WWOX: variants seen among roughly 807,000 people sequenced by gnomAD.
WWOX encodes WW domain-containing oxidoreductase.
In WWOX, 69 loss-of-function variants were observed where a neutral mutation model predicts 46.2. The ratio of observed to expected loss-of-function variants is 1.49; its 90% confidence interval spans 1.23 to 1.82. The LOEUF (loss-of-function observed/expected upper bound fraction) is 1.82, where lower values mean the gene tolerates loss of function less well. Ranked by LOEUF, WWOX falls within the 40% of genes most tolerant of loss-of-function variation. The pLI is 0.00. For synonymous variants in WWOX, 359 were observed against 202.6 expected (o/e 1.77, Z -6.56); for missense variants, 919 against 542.6 (o/e 1.69, Z -6.89).
chr16:78,881,822 C>T (rs899823983), intron 8 of WWOX, among the ~76,000 whole-genome samples: 4 of 152,124 alleles, frequency 2.6e-5, no homozygotes, highest in Admixed American at 2.0e-4. Flanking sequence ...ATTTTCTTCT[C>T]GAATTAGAAG....
chr16:78,777,780 C>T (rs1567553128), intron 8 of WWOX, among the ~76,000 whole-genome samples: 6 of 152,254 alleles, frequency 3.9e-5, no homozygotes, highest in Admixed American at 3.9e-4. Context: ...GGCCTGGTGG[C>T]TCACGCCTGT....
At chr16:78,988,019 G>A (rs533555799) in intron 8 of WWOX, among the ~76,000 whole-genome samples, 1 of 152,132 alleles carries the variant, frequency 6.6e-6, no homozygotes, top group South Asian at 2.1e-4. Flanking sequence ...ATAAAGGGGG[G>A]GTGGTCAAGG....
chr16:78,956,296 C>A (rs973155313), intron 8 of WWOX, among the ~76,000 whole-genome samples: 1 of 152,168 alleles, frequency 6.6e-6, no homozygotes, highest in African/African-American at 2.4e-5. Context: ...TAGGCACATG[C>A]CACCATACCC....
intron 8 of WWOX, among the ~76,000 whole-genome samples, chr16:78,847,680 T>G (rs770362287): frequency 6.6e-6 from 1 of 152,012 alleles, no homozygotes; most frequent in Non-Finnish European, 1.5e-5. Flanking sequence ...GTTATTTAAC[T>G]CTCAGTTTCT....
intron 8 of WWOX, among the ~76,000 whole-genome samples, chr16:78,452,628 A>G (rs1274068346): frequency 6.7e-6 from 1 of 148,762 alleles, no homozygotes; most frequent in Non-Finnish European, 1.5e-5. Context: ...GGCATGCACT[A>G]CCACACCTGG....
chr16:78,678,867 C>T (rs954020439), intron 8 of WWOX, among the ~76,000 whole-genome samples: 19 of 152,140 alleles, frequency 1.2e-4, no homozygotes, highest in African/African-American at 4.6e-4. Context: ...CCAGTTTACT[C>T]TGGAGACGAC....
chr16:78,379,652 C>G (rs191530801), intron 5 of WWOX, among the ~76,000 whole-genome samples: 8 of 152,290 alleles, frequency 5.3e-5, no homozygotes, highest in Non-Finnish European at 8.8e-5. Flanking sequence ...CTCCGTAAGA[C>G]CCAACATGTG....
At chr16:78,566,257 G>A (rs1288886608) in intron 8 of WWOX, among the ~76,000 whole-genome samples, 1 of 152,128 alleles carries the variant, frequency 6.6e-6, no homozygotes, top group Non-Finnish European at 1.5e-5. Flanking sequence ...TGTCACACTG[G>A]GGCATAGGGC....
intron 8 of WWOX, among the ~76,000 whole-genome samples, chr16:78,715,790 T>C (rs1343146983): frequency 6.6e-6 from 1 of 152,170 alleles, no homozygotes; most frequent in Non-Finnish European, 1.5e-5. Context: ...TCTGACCATT[T>C]TATCAGGAAA....
intron 8 of WWOX, among the ~76,000 whole-genome samples, chr16:78,796,055 A>T (rs533531298): frequency 6.6e-6 from 1 of 152,224 alleles, no homozygotes; most frequent in South Asian, 2.1e-4. Flanking sequence ...AAGACAGTAT[A>T]TATAATAAAT....
intron 8 of WWOX, among the ~76,000 whole-genome samples, chr16:78,783,209 C>G (rs931802931): frequency 1.3e-5 from 2 of 152,196 alleles, no homozygotes; most frequent in African/African-American, 4.8e-5. Flanking sequence ...GATACATGCA[C>G]CAGACTTGAC....
At chr16:78,949,572 G>A (rs1347305414) in intron 8 of WWOX, among the ~76,000 whole-genome samples, 1 of 152,200 alleles carries the variant, frequency 6.6e-6, no homozygotes, top group Non-Finnish European at 1.5e-5. Context: ...ACATAATGCT[G>A]TATGTCATGC....
intron 8 of WWOX, among the ~76,000 whole-genome samples, chr16:79,183,864 G>A (rs2050961403): frequency 2.0e-5 from 3 of 152,126 alleles, no homozygotes; most frequent in South Asian, 2.1e-4. Flanking sequence ...CACTAACACT[G>A]TCACTCAGTC....
At chr16:78,371,752 T>C (rs931044547) in intron 5 of WWOX, among the ~76,000 whole-genome samples, 4 of 152,228 alleles carry the variant, frequency 2.6e-5, no homozygotes, top group Non-Finnish European at 5.9e-5. Context: ...TTTGCTATAC[T>C]AGCTATTCTG....
chr16:79,178,181 C>G (rs755482061), intron 8 of WWOX, among the ~76,000 whole-genome samples: 3 of 152,204 alleles, frequency 2.0e-5, no homozygotes, highest in Non-Finnish European at 4.4e-5. Context: ...ATAGCACTAT[C>G]ATAGTGCAAA....
intron 5 of WWOX, among the ~76,000 whole-genome samples, chr16:78,319,811 C>T (rs1202116941): frequency 2.0e-5 from 3 of 152,266 alleles, no homozygotes; most frequent in Middle Eastern, 6.8e-3. Flanking sequence ...CCGCCCTTAG[C>T]CTTTCTTTCA....
intron 8 of WWOX, among the ~76,000 whole-genome samples, chr16:78,909,746 A>T (rs974521707): frequency 6.6e-5 from 10 of 152,216 alleles, no homozygotes; most frequent in Non-Finnish European, 1.3e-4. Context: ...TTTAAATGGA[A>T]CAGGGAGGTT....
intron 5 of WWOX, among the ~76,000 whole-genome samples, chr16:78,213,294 C>G (rs1316264531): frequency 1.3e-5 from 2 of 150,580 alleles, no homozygotes; most frequent in Non-Finnish European, 2.9e-5. Flanking sequence ...TCCAGGCTGA[C>G]CTCAGCACCA....
chr16:79,057,188 C>T (rs1180599206), intron 8 of WWOX, among the ~76,000 whole-genome samples: 1 of 151,904 alleles, frequency 6.6e-6, no homozygotes, highest in Non-Finnish European at 1.5e-5. Context: ...CGTTATAGTT[C>T]TCCTTTTAAT....
Sources: gnomAD v4.1 joint callset for allele counts (sites outside exome capture counted in the v4.1 genomes callset) on GRCh38, gnomAD v4.1.1 for gene constraint, MANE v1.5 for transcripts, NCBI Gene and HGNC (gene_info 2026-07-23, HGNC 2026-07-21) for gene names.